The following COL21A1 variants were observed in gnomAD, a reference collection of about 807,000 sequenced individuals.
COL21A1 encodes the protein collagen type XXI alpha 1 chain.
In COL21A1, 149 loss-of-function variants were observed where a neutral mutation model predicts 137.9. That is an observed-to-expected ratio of 1.08 (90% CI 0.95 to 1.24). The LOEUF is 1.24. Among genes scored for constraint, COL21A1 ranks in the 50% most tolerant of loss-of-function variants. COL21A1 has a pLI of 0.00. For missense variants in COL21A1, 1,167 were observed against 1,158.4 expected (o/e 1.01, Z -0.11); for synonymous variants, 456 against 391.5 (o/e 1.16, Z -1.95).
intron 9 of COL21A1, among the ~76,000 whole-genome samples, chr6:56,157,662 C>T (rs1775861668): frequency 6.6e-6 from 1 of 152,120 alleles, no homozygotes; most frequent in African/African-American, 2.4e-5. Context: ...TATAATACAA[C>T]TTAACTCATA....
At chr6:56,386,557 G>A (rs1214244552) in intron 1 of COL21A1, among the ~76,000 whole-genome samples, 2 of 151,746 alleles carry the variant, frequency 1.3e-5, no homozygotes, top group African/African-American at 4.8e-5. Flanking sequence ...CAAGGTATGA[G>A]GGTTCCAATT....
At chr6:56,230,011 G>A (rs907822616) in intron 1 of COL21A1, among the ~76,000 whole-genome samples, 1 of 151,766 alleles carries the variant, frequency 6.6e-6, no homozygotes, top group East Asian at 1.9e-4. Flanking sequence ...TAGAATGGAA[G>A]GGAACAGAAA....
chr6:56,059,447 T>A (rs1290970922), intron 28 of COL21A1, among the ~76,000 whole-genome samples: 1 of 152,198 alleles, frequency 6.6e-6, no homozygotes, highest in Non-Finnish European at 1.5e-5. Context: ...TTAATGGGAA[T>A]CAAATATTTA....
chr6:56,210,989 T>TA (rs902429852), intron 1 of COL21A1, among the ~76,000 whole-genome samples: 9 of 151,300 alleles, frequency 5.9e-5, no homozygotes, highest in African/African-American at 9.7e-5. Flanking sequence ...ATTCACCATT[T>TA]AAAAAAAATG....
chr6:56,280,399 A>T (rs1299471645), intron 1 of COL21A1, among the ~76,000 whole-genome samples: 1 of 152,166 alleles, frequency 6.6e-6, no homozygotes, highest in African/African-American at 2.4e-5. Context: ...GATTCTTTGC[A>T]CAACTGAATG....
At chr6:56,070,669 T>C in intron 21 of COL21A1, 76 bp downstream of exon 21, 1 of 990,298 alleles carries the variant, frequency 1.0e-6, no homozygotes, top group Non-Finnish European at 1.5e-6. Flanking sequence ...AGATATAAAA[T>C]GTTAATTTTC....
At chr6:56,150,496 C>T (rs967261226) in intron 10 of COL21A1, among the ~76,000 whole-genome samples, 4 of 143,148 alleles carry the variant, frequency 2.8e-5, no homozygotes, top group African/African-American at 1.1e-4. Flanking sequence ...CCAGCCTGGG[C>T]GACAGAGCGA....
intron 1 of COL21A1, among the ~76,000 whole-genome samples, chr6:56,301,591 C>G (rs756270495): frequency 3.3e-5 from 5 of 152,144 alleles, no homozygotes; most frequent in Admixed American, 6.6e-5. Flanking sequence ...ACATCAGAAA[C>G]AGTTTTCTCA....
chr6:56,234,384 A>G (rs924745096), intron 1 of COL21A1, among the ~76,000 whole-genome samples: 37 of 151,846 alleles, frequency 2.4e-4, no homozygotes, highest in African/African-American at 8.5e-4. Context: ...TCAAAAAGGA[A>G]TATTTCATAT....
chr6:56,099,362 G>A (rs1436251914), intron 17 of COL21A1, among the ~76,000 whole-genome samples: 2 of 149,614 alleles, frequency 1.3e-5, no homozygotes, highest in African/African-American at 2.5e-5. Flanking sequence ...GCCCCTCTCC[G>A]AGTAGCTGGG....
chr6:56,130,187 A>ATATATATATATATATATATATT (rs1773429146), intron 12 of COL21A1, among the ~76,000 whole-genome samples: 1 of 13,766 alleles, frequency 7.3e-5, no homozygotes, highest in African/African-American at 2.0e-4. Context: ...ATATATATAT[A>ATATATATATATATATATATATT]TATATATATA....
intron 12 of COL21A1, among the ~76,000 whole-genome samples, chr6:56,137,540 A>G (rs1034543257): frequency 6.6e-6 from 1 of 152,180 alleles, no homozygotes; most frequent in Non-Finnish European, 1.5e-5. Flanking sequence ...GTTTGGGATT[A>G]CCATTGAACT....
chr6:56,096,433 G>A (rs1769330910), intron 17 of COL21A1, among the ~76,000 whole-genome samples: 1 of 152,156 alleles, frequency 6.6e-6, no homozygotes, highest in South Asian at 2.1e-4. Flanking sequence ...ATTCATGGTT[G>A]AAACAAGTTA....
intron 1 of COL21A1, among the ~76,000 whole-genome samples, chr6:56,345,022 A>G (rs1011196132): frequency 6.6e-6 from 1 of 152,218 alleles, no homozygotes; most frequent in Non-Finnish European, 1.5e-5. Flanking sequence ...GAATTACACA[A>G]ACATTAGGTG....
intron 1 of COL21A1, among the ~76,000 whole-genome samples, chr6:56,327,134 T>A (rs1765113947): frequency 8.8e-6 from 1 of 113,972 alleles, no homozygotes; most frequent in Non-Finnish European, 1.8e-5. Context: ...ACTATTAATA[T>A]TATATATTGT....
At chr6:56,149,091 A>G (rs1306585010) in intron 10 of COL21A1, among the ~76,000 whole-genome samples, 2 of 152,210 alleles carry the variant, frequency 1.3e-5, no homozygotes, top group African/African-American at 4.8e-5. Flanking sequence ...CATCTCAAAG[A>G]CAAGTAAGAC....
intron 1 of COL21A1, among the ~76,000 whole-genome samples, chr6:56,198,090 G>A (rs571043437): frequency 2.0e-5 from 3 of 152,140 alleles, no homozygotes; most frequent in Non-Finnish European, 4.4e-5. Context: ...TAAAGCTGGA[G>A]GACAGTGAGC....
intron 20 of COL21A1, among the ~76,000 whole-genome samples, chr6:56,072,903 A>T (rs1766878018): frequency 1.3e-5 from 2 of 150,932 alleles, no homozygotes; most frequent in Non-Finnish European, 3.0e-5. Flanking sequence ...CAAGCACAAG[A>T]TGCAGAAAAC....
At chr6:56,086,871 C>T (rs1300700594) in intron 17 of COL21A1, among the ~76,000 whole-genome samples, 1 of 152,140 alleles carries the variant, frequency 6.6e-6, no homozygotes, top group African/African-American at 2.4e-5. Context: ...TAATCCGAAC[C>T]ATTCTGCCAG....
Sources: allele counts gnomAD v4.1 joint callset (sites outside exome capture counted in the v4.1 genomes callset), GRCh38; gene constraint gnomAD v4.1.1; transcripts MANE v1.5; gene names NCBI Gene and HGNC (gene_info 2026-07-23, HGNC 2026-07-21).